Variants in SEZ6L observed in about 807,000 individuals in gnomAD.
The protein encoded by SEZ6L is seizure 6-like protein.
In SEZ6L, 37 loss-of-function variants were observed where a neutral mutation model predicts 106.2. That is an observed-to-expected ratio of 0.35 (90% CI 0.27 to 0.46). SEZ6L has a LOEUF of 0.46. Ranked by LOEUF, SEZ6L falls within the 20% of genes least tolerant of loss-of-function variation. The pLI, the probability that SEZ6L is intolerant of heterozygous loss-of-function variation, is 1.00. For missense variants in SEZ6L, 1,172 were observed against 1,332.8 expected (o/e 0.88, Z 1.88); for synonymous variants, 541 against 570.4 (o/e 0.95, Z 0.73).
chr22:26,331,154 G>C (rs1437191909), intron 9 of SEZ6L, among the ~76,000 whole-genome samples: 2 of 152,210 alleles, frequency 1.3e-5, no homozygotes, highest in Non-Finnish European at 2.9e-5. Context: ...ACCTGCTGGG[G>C]AAGTCAGCCC....
chr22:26,195,782 AGT>A (rs1265911292), intron 1 of SEZ6L, among the ~76,000 whole-genome samples: 1 of 150,596 alleles, frequency 6.6e-6, no homozygotes, highest in Non-Finnish European at 1.5e-5. Context: ...ACATATATAT[AGT>A]GTGTGTATAT....
chr22:26,272,995 T>G (rs1041783462), intron 1 of SEZ6L, among the ~76,000 whole-genome samples: 1 of 152,216 alleles, frequency 6.6e-6, no homozygotes, highest in African/African-American at 2.4e-5. Flanking sequence ...AGACAATGCA[T>G]GTAAAACACT....
In SEZ6L at chr22:26,283,848, A is replaced by G. The variant is rs539145993; in HGVS notation, c.95-8558A>G. 5.2e-4 allele frequency among the ~76,000 whole-genome samples: 79 copies of G among 152,342 alleles called. No individual in the cohort carries two copies. The Middle Eastern group carries it at 0.01, about 20-fold the overall frequency. ...GAAAGGCAGGGGTTTCAACTATACT[A>G]GGAGTATTCTATTCTTTAAGATGAA... On this transcript the variant is annotated intron_variant, in intron 1 of 16. Coordinates refer to ENST00000248933, the MANE Select transcript of SEZ6L (RefSeq NM_021115.5).
chr22:26,193,702 A>G (rs962823784), intron 1 of SEZ6L, among the ~76,000 whole-genome samples: 4 of 152,126 alleles, frequency 2.6e-5, no homozygotes, highest in Non-Finnish European at 4.4e-5. Flanking sequence ...ATGTTTCTAT[A>G]TGCTTCTTGA....
At chr22:26,232,172 T>TA (rs2078818283) in intron 1 of SEZ6L, among the ~76,000 whole-genome samples, 1 of 152,138 alleles carries the variant, frequency 6.6e-6, no homozygotes, top group Admixed American at 6.5e-5. Context: ...TGAGCACTCA[T>TA]TCAATCAGAA....
At chr22:26,275,250 T>G (rs1157222714) in intron 1 of SEZ6L, among the ~76,000 whole-genome samples, 1 of 152,230 alleles carries the variant, frequency 6.6e-6, no homozygotes, top group Admixed American at 6.5e-5. Context: ...TACTTCTAAC[T>G]TTGAATTTTG....
intron 15 of SEZ6L, among the ~76,000 whole-genome samples, chr22:26,376,735 C>T (rs1010494788): frequency 2.6e-5 from 4 of 152,064 alleles, no homozygotes; most frequent in African/African-American, 9.6e-5. Flanking sequence ...GGCAACAAAG[C>T]AAGACTCCAT....
intron 1 of SEZ6L, among the ~76,000 whole-genome samples, chr22:26,273,672 G>C (rs2080445184): frequency 6.6e-6 from 1 of 152,198 alleles, no homozygotes; most frequent in African/African-American, 2.4e-5. Flanking sequence ...TGAGAACGTT[G>C]ACTCTGGAGG....
intron 13 of SEZ6L, 98 bp downstream of exon 13, chr22:26,365,664 G>C: frequency 8.6e-7 from 1 of 1,167,754 alleles, no homozygotes; most frequent in Admixed American, 2.6e-5. Flanking sequence ...AATTGGACTA[G>C]GAGTTCGAGA....
At chr22:26,303,172 A>G (rs988596831) in intron 5 of SEZ6L, among the ~76,000 whole-genome samples, 1 of 152,240 alleles carries the variant, frequency 6.6e-6, no homozygotes, top group Non-Finnish European at 1.5e-5. Flanking sequence ...TCTAGGACAG[A>G]AGGGCAGCCT....
At chr22:26,175,514 T>C (rs538221039) in intron 1 of SEZ6L, among the ~76,000 whole-genome samples, 1 of 152,306 alleles carries the variant, frequency 6.6e-6, no homozygotes, top group African/African-American at 2.4e-5. Context: ...GCAGATAGTC[T>C]GGATGGGTAA....
At chr22:26,171,872 T>G (rs1938637744) in intron 1 of SEZ6L, among the ~76,000 whole-genome samples, 1 of 152,122 alleles carries the variant, frequency 6.6e-6, no homozygotes, top group Non-Finnish European at 1.5e-5. Context: ...AAATTCTATT[T>G]TTAATGTAGA....
chr22:26,375,767 G>A, intron 15 of SEZ6L, 78 bp downstream of exon 15: 1 of 1,028,270 alleles, frequency 9.7e-7, no homozygotes, highest in Non-Finnish European at 1.4e-6. Context: ...TCACCTCTCT[G>A]AGCCTCAGGG....
At chr22:26,300,482 A>G (rs1026390616) in intron 5 of SEZ6L, among the ~76,000 whole-genome samples, 1 of 152,058 alleles carries the variant, frequency 6.6e-6, no homozygotes, top group African/African-American at 2.4e-5. Flanking sequence ...AAGGACATGA[A>G]CTCATCATTT....
intron 10 of SEZ6L, among the ~76,000 whole-genome samples, chr22:26,346,821 T>C (rs1227169006): frequency 6.6e-6 from 1 of 152,114 alleles, no homozygotes; most frequent in Non-Finnish European, 1.5e-5. Flanking sequence ...AGAAACTCAA[T>C]GTTGTTATGA....
intron 15 of SEZ6L, among the ~76,000 whole-genome samples, 193 bp downstream of exon 15, chr22:26,375,882 C>T (rs1381258286): frequency 6.6e-6 from 1 of 152,206 alleles, no homozygotes; most frequent in Admixed American, 6.5e-5. Context: ...ATTATGAAGC[C>T]TCCAAGCAAG....
At chr22:26,231,045 G>T (rs1159609874) in intron 1 of SEZ6L, among the ~76,000 whole-genome samples, 3 of 152,214 alleles carry the variant, frequency 2.0e-5, no homozygotes, top group Admixed American at 2.0e-4. Flanking sequence ...TCAAGGGCCA[G>T]CCAGTGGTGT....
chr22:26,344,593 G>A (rs1282590780), intron 10 of SEZ6L, among the ~76,000 whole-genome samples: 1 of 152,204 alleles, frequency 6.6e-6, no homozygotes, highest in East Asian at 1.9e-4. Flanking sequence ...TGTGCATTCA[G>A]TGCATTTGTG....
chr22:26,222,098 G>T (rs1394836649), intron 1 of SEZ6L, among the ~76,000 whole-genome samples: 1 of 152,116 alleles, frequency 6.6e-6, no homozygotes, highest in East Asian at 1.9e-4. Flanking sequence ...GTGGGTGGCT[G>T]TTTAGAAATG....
Sources: allele counts gnomAD v4.1 joint callset (sites outside exome capture counted in the v4.1 genomes callset), GRCh38; gene constraint gnomAD v4.1.1; transcripts MANE v1.5; gene names NCBI Gene and HGNC (gene_info 2026-07-23, HGNC 2026-07-21).